The following CAPS2 variants were observed in gnomAD, a reference collection of about 807,000 sequenced individuals.
CAPS2 encodes calcyphosin-2.
A neutral mutation model predicts 86.5 loss-of-function variants in CAPS2; 98 were observed. That is an observed-to-expected ratio of 1.13 (90% CI 0.96 to 1.34). CAPS2 has a LOEUF of 1.34. CAPS2 is among the 40% of genes most tolerant of loss of function. The pLI is 0.00. For synonymous variants in CAPS2, 210 were observed against 225.1 expected (o/e 0.93, Z 0.60); for missense variants, 729 against 686.8 (o/e 1.06, Z -0.69).
chr12:75,305,678 T>C, intron 7 of CAPS2: 1 of 654,084 alleles, frequency 1.5e-6, no homozygotes, highest in Non-Finnish European at 2.9e-6. Context: ...CACTGCCCAG[T>C]CTGGCCCGGC....
chr12:75,311,724 C>CA (rs1188952105), intron 7 of CAPS2, among the ~76,000 whole-genome samples: 4 of 15,656 alleles, frequency 2.6e-4, no homozygotes, highest in African/African-American at 6.9e-4. Flanking sequence ...AAAAAAAAAA[C>CA]AAAAAAAAAA....
downstream of CAPS2, chr12:75,276,548 G>T (rs193246519): frequency 1.7e-4 from 164 of 979,124 alleles, 2 homozygotes; most frequent in African/African-American, 2.8e-3. Flanking sequence ...GGACATACAT[G>T]TTTAACTATA....
chr12:75,343,569 C>G, intron 1 of CAPS2: 1 of 743,028 alleles, frequency 1.3e-6, no homozygotes, highest in Non-Finnish European at 2.1e-6. Context: ...ATAATAAATA[C>G]CAAAGAAAAA....
intron 7 of CAPS2, chr12:75,305,647 C>CG: frequency 3.2e-6 from 2 of 630,906 alleles, no homozygotes; most frequent in Non-Finnish European, 6.0e-6. Flanking sequence ...CGGAGAAGGG[C>CG]GGCGCCCACC....
chr12:75,316,235 T>C (rs764763297), intron 6 of CAPS2, 77 bp downstream of exon 6: 209 of 1,503,620 alleles, frequency 1.4e-4, no homozygotes, highest in Non-Finnish European at 1.8e-4. Flanking sequence ...AATTATTTAT[T>C]CCATTCAGTC....
At chr12:75,290,402 A>G (rs1005593656) in intron 13 of CAPS2, among the ~76,000 whole-genome samples, 1 of 152,200 alleles carries the variant, frequency 6.6e-6, no homozygotes, top group Non-Finnish European at 1.5e-5. Context: ...ATAGATTGGT[A>G]ACTTTACTAA....
At chr12:75,376,417 C>T (rs562659039) in intron 1 of CAPS2, among the ~76,000 whole-genome samples, 22 of 152,122 alleles carry the variant, frequency 1.4e-4, no homozygotes, top group African/African-American at 5.1e-4. Context: ...TGGGTCACAC[C>T]CTGAACCTTA....
chr12:75,384,527 G>A (rs982725511), intron 1 of CAPS2, among the ~76,000 whole-genome samples: 6 of 152,038 alleles, frequency 3.9e-5, no homozygotes, highest in African/African-American at 1.4e-4. Flanking sequence ...TTCCAAAACA[G>A]AAAGCACCAG....
chr12:75,382,685 T>C (rs185398775), intron 1 of CAPS2, among the ~76,000 whole-genome samples: 36 of 151,868 alleles, frequency 2.4e-4, no homozygotes, highest in Admixed American at 9.8e-4. Context: ...TCAAGTGCAG[T>C]GTACAAGTGT....
intron 1 of CAPS2, chr12:75,369,978 T>C (rs748315865): frequency 1.1e-5 from 12 of 1,076,470 alleles, no homozygotes; most frequent in African/African-American, 1.6e-5. Context: ...CAACTTATTA[T>C]ACCTAACCGT....
rs1050300024 is a variant in CAPS2 at position 75,307,550 on chromosome 12, A to T, written c.660-2674T>A. Among the ~76,000 whole-genome samples the T allele has an allele frequency of 2.0e-5, 3 of 152,326 alleles. No individual in the cohort carries two copies. In the East Asian group the frequency reaches 5.8e-4, roughly 29 times the overall value. On this transcript the variant is annotated intron_variant, in intron 7 of 16. Coordinates refer to ENST00000393284, the Ensembl canonical transcript of CAPS2. ...GTACATTTTAAAGTAGCTAGGAGAT[A>T]ATAATTCAAATGTTTCTAACATACA...
At chr12:75,302,901 G>C (rs541696840) in intron 8 of CAPS2, among the ~76,000 whole-genome samples, 5 of 152,138 alleles carry the variant, frequency 3.3e-5, no homozygotes, top group Non-Finnish European at 7.4e-5. Flanking sequence ...GGTGCAACAA[G>C]AACACTCATA....
chr12:75,323,355 A>G, intron 2 of CAPS2, 133 bp from the exon 4 acceptor site: 1 of 589,542 alleles, frequency 1.7e-6, no homozygotes, highest in Non-Finnish European at 2.9e-6. Flanking sequence ...GGCTTGTGAT[A>G]GGCTTTTGTT....
chr12:75,291,423 T>A (rs2035828519), intron 13 of CAPS2, among the ~76,000 whole-genome samples: 1 of 137,772 alleles, frequency 7.3e-6, no homozygotes, highest in African/African-American at 2.7e-5. Context: ...TAATACTAGT[T>A]AGGACCATTA....
intron 5 of CAPS2, 67 bp downstream of exon 5, chr12:75,321,331 AAG>A: frequency 4.0e-6 from 4 of 993,510 alleles, no homozygotes; most frequent in Non-Finnish European, 5.9e-6. Context: ...GTCACACAAA[AAG>A]AGATTTCTGT....
intron 4 of CAPS2, among the ~76,000 whole-genome samples, chr12:75,321,814 T>C (rs1478674627): frequency 5.9e-5 from 9 of 152,106 alleles, no homozygotes; most frequent in Non-Finnish European, 1.3e-4. Flanking sequence ...AGTAAGCTTA[T>C]ACCTTGTTTC....
At chr12:75,376,215 C>G (rs56051110) in intron 1 of CAPS2, among the ~76,000 whole-genome samples, 8,926 of 152,172 alleles carry the variant, frequency 0.059, 339 homozygotes, top group African/African-American at 0.11. Flanking sequence ...TTTAACTCCC[C>G]AAGCTGCAAC....
intron 1 of CAPS2, among the ~76,000 whole-genome samples, chr12:75,346,801 G>A (rs1312640333): frequency 6.6e-6 from 1 of 152,008 alleles, no homozygotes; most frequent in Non-Finnish European, 1.5e-5. Flanking sequence ...TTACGAAATA[G>A]CTTAGTACAT....
At chr12:75,294,510 C>T (rs1330828809) in intron 11 of CAPS2, among the ~76,000 whole-genome samples, 6 of 152,186 alleles carry the variant, frequency 3.9e-5, no homozygotes, top group Non-Finnish European at 8.8e-5. Flanking sequence ...TGTTATCTCC[C>T]AGTTTCTGTG....
Sources: gnomAD v4.1 joint callset for allele counts (sites outside exome capture counted in the v4.1 genomes callset) on GRCh38, gnomAD v4.1.1 for gene constraint, MANE v1.5 for transcripts, NCBI Gene and HGNC (gene_info 2026-07-23, HGNC 2026-07-21) for gene names.